KIAA0040: variants seen among roughly 807,000 people sequenced by gnomAD.
The protein encoded by KIAA0040 is KIAA0040.
Under a neutral mutation model 7.2 loss-of-function variants are expected in KIAA0040, and 10 were observed. The observed-to-expected ratio is 1.38, with a 90% CI of 0.85 to 2.34. KIAA0040 has a LOEUF of 2.34. KIAA0040 is among the 30% of genes most tolerant of loss of function. The pLI is 0.00. For synonymous variants in KIAA0040, 49 were observed against 40.1 expected (o/e 1.22, Z -0.84); for missense variants, 89 against 108.2 (o/e 0.82, Z 0.79).
At chr1:175,190,588 T>C (rs1031514054) in intron 1 of KIAA0040, among the ~76,000 whole-genome samples, 1 of 152,176 alleles carries the variant, frequency 6.6e-6, no homozygotes, top group Non-Finnish European at 1.5e-5. Flanking sequence ...CTCAACACCT[T>C]ATAATCACTC....
chr1:175,178,289 G>A (rs1677287117), intron 1 of KIAA0040, among the ~76,000 whole-genome samples: 1 of 152,216 alleles, frequency 6.6e-6, no homozygotes, highest in Non-Finnish European at 1.5e-5. Context: ...CAGGGGGGCA[G>A]CACCTTCAGT....
intron 1 of KIAA0040, among the ~76,000 whole-genome samples, chr1:175,182,946 G>A (rs1331879369): frequency 2.0e-5 from 3 of 152,162 alleles, no homozygotes; most frequent in Non-Finnish European, 4.4e-5. Flanking sequence ...TATGCAAAAG[G>A]GAAGACAGTG....
chr1:175,167,889 C>CT (rs368297465), intron 2 of KIAA0040, among the ~76,000 whole-genome samples: 48 of 147,452 alleles, frequency 3.3e-4, no homozygotes, highest in South Asian at 2.6e-3. Context: ...TATGTATATT[C>CT]TTTTTTTTTT....
intron 1 of KIAA0040, among the ~76,000 whole-genome samples, chr1:175,180,056 C>G (rs1677375125): frequency 6.6e-6 from 1 of 152,182 alleles, no homozygotes; most frequent in South Asian, 2.1e-4. Flanking sequence ...GTAGCTCTCT[C>G]TCACCCCACC....
chr1:175,174,052 T>C (rs1195307274), intron 2 of KIAA0040, among the ~76,000 whole-genome samples: 2 of 144,006 alleles, frequency 1.4e-5, no homozygotes, highest in Non-Finnish European at 3.1e-5. Context: ...GTCCCCATCC[T>C]GCCTGCTTCA....
At chr1:175,170,356 C>T (rs1265678536) in intron 2 of KIAA0040, among the ~76,000 whole-genome samples, 3 of 152,118 alleles carry the variant, frequency 2.0e-5, no homozygotes, top group Admixed American at 1.3e-4. Context: ...CTTCAAATGG[C>T]CTCTAGTTTT....
rs1474058024 is a variant in KIAA0040 at position 175,158,219 on chromosome 1, C to G, written c.*2495G>C. 6.6e-6 allele frequency: 1 copy of G among 152,334 alleles called. No homozygotes were observed. Among genetic ancestry groups the G allele is most frequent in the African/African-American group, 2.4e-5 (1 of 41,436 alleles). 9.4% of individuals were successfully genotyped at this position (152,334 alleles called of 1,614,324 possible). ...GTCTGTGATGGGGAAAAGAGAGGCCCCATTCTGGGTTTGGCTCTTCTGAGT... is the reference window on the plus strand; with the variant it reads ...GTCTGTGATGGGGAAAAGAGAGGCCGCATTCTGGGTTTGGCTCTTCTGAGT... On this transcript the variant is annotated 3_prime_UTR_variant, in exon 4 of 4. Coordinates refer to ENST00000423313, the MANE Select transcript of KIAA0040 (RefSeq NM_014656.3).
chr1:175,189,531 G>A lies in KIAA0040; in HGVS notation c.-384+3109C>T, dbSNP rs1426876399. Among the ~76,000 whole-genome samples the A allele has an allele frequency of 2.6e-5, 4 of 152,208 alleles. No homozygotes were observed. In the East Asian group the frequency reaches 7.7e-4, roughly 29 times the overall value. On this transcript the variant is annotated intron_variant, in intron 1 of 3. Coordinates refer to ENST00000423313, the MANE Select transcript of KIAA0040 (RefSeq NM_014656.3). ...ACCATTTTAGCTAAGGAGGACAAAAGAGGCCAGAGTAGATGCATGTGATTG... is the reference window on the plus strand; with the variant it reads ...ACCATTTTAGCTAAGGAGGACAAAAAAGGCCAGAGTAGATGCATGTGATTG...
At chr1:175,163,273 G>C (rs978005857) in intron 3 of KIAA0040, among the ~76,000 whole-genome samples, 2 of 152,356 alleles carry the variant, frequency 1.3e-5, no homozygotes, top group Admixed American at 1.3e-4. Context: ...TTGTAGGAAA[G>C]ACTGCAAAGA....
chr1:175,167,547 C>A (rs1676815032), intron 2 of KIAA0040, among the ~76,000 whole-genome samples: 1 of 152,134 alleles, frequency 6.6e-6, no homozygotes, highest in Non-Finnish European at 1.5e-5. Context: ...ACGTGGAGGG[C>A]TAGAGTTTGC....
chr1:175,158,447 C>G lies in KIAA0040; in HGVS notation c.*2267G>C, dbSNP rs768899472. ...CATGTTACTTGTATGGTCCCGGATCCCGGTGATCCGCCCTCCTAGATCATA... is the reference window on the plus strand; with the variant it reads ...CATGTTACTTGTATGGTCCCGGATCGCGGTGATCCGCCCTCCTAGATCATA... On this transcript the variant is annotated 3_prime_UTR_variant, in exon 4 of 4. Transcript: ENST00000423313. 3.3e-5 allele frequency: 5 copies of G among 152,140 alleles called. No homozygotes were observed. The highest frequency in any genetic ancestry group is 7.3e-5 in the Non-Finnish European group (5 of 68,050). The allele number at this position is 152,140 out of a possible 1,614,324, so 9.4% of individuals were successfully genotyped here.
chr1:175,162,147 C>A (rs1558388314), intron 3 of KIAA0040, among the ~76,000 whole-genome samples: 1 of 152,194 alleles, frequency 6.6e-6, no homozygotes, highest in African/African-American at 2.4e-5. Flanking sequence ...GTCTTAGAGG[C>A]TGCCTTCCAT....
At chr1:175,171,199 AC>A (rs973411917) in intron 2 of KIAA0040, among the ~76,000 whole-genome samples, 2 of 152,010 alleles carry the variant, frequency 1.3e-5, no homozygotes, top group Admixed American at 1.3e-4. Flanking sequence ...ATGTCGCCCA[AC>A]CCCCAGCCAA....
At chr1:175,178,973 G>C (rs561177549) in intron 1 of KIAA0040, among the ~76,000 whole-genome samples, 8 of 149,750 alleles carry the variant, frequency 5.3e-5, no homozygotes, top group South Asian at 4.3e-4. Context: ...GACGGGGCGG[G>C]GGGGGGGATA....
At chr1:175,175,945 A>G (rs1055484185) in intron 2 of KIAA0040, among the ~76,000 whole-genome samples, 1 of 152,248 alleles carries the variant, frequency 6.6e-6, no homozygotes, top group African/African-American at 2.4e-5. Flanking sequence ...TAATGGGTGC[A>G]GCACATCAAC....
At chr1:175,179,791 G>A (rs376048199) in intron 1 of KIAA0040, among the ~76,000 whole-genome samples, 1 of 152,160 alleles carries the variant, frequency 6.6e-6, no homozygotes, top group African/African-American at 2.4e-5. Context: ...TTTCACAGAT[G>A]AATAATCTTT....
At chr1:175,184,527 GAA>G (rs1231617557) in intron 1 of KIAA0040, among the ~76,000 whole-genome samples, 1 of 152,212 alleles carries the variant, frequency 6.6e-6, no homozygotes, top group East Asian at 1.9e-4. Context: ...ACTGTTTTGA[GAA>G]AGTCTATGAG....
At chr1:175,162,692 G>C (rs779260118) in intron 3 of KIAA0040, among the ~76,000 whole-genome samples, 1 of 152,160 alleles carries the variant, frequency 6.6e-6, no homozygotes, top group Non-Finnish European at 1.5e-5. Flanking sequence ...GTCCTCAGAA[G>C]TCTAATTCCT....
intron 1 of KIAA0040, among the ~76,000 whole-genome samples, chr1:175,178,955 G>T: frequency 9.4e-6 from 1 of 106,464 alleles, no homozygotes; most frequent in Admixed American, 9.0e-5. Context: ...TGTTTTATCA[G>T]AGTGGGGGAC....
Sources: gnomAD v4.1 joint callset for allele counts (sites outside exome capture counted in the v4.1 genomes callset) on GRCh38, gnomAD v4.1.1 for gene constraint, MANE v1.5 for transcripts, NCBI Gene and HGNC (gene_info 2026-07-23, HGNC 2026-07-21) for gene names.